Variants in AP1M1 observed in about 807,000 individuals in gnomAD.
The protein encoded by AP1M1 is AP-1 complex subunit mu-1.
In AP1M1, 18 loss-of-function variants were observed where a neutral mutation model predicts 57.1. The observed-to-expected ratio is 0.32, with a 90% CI of 0.22 to 0.47. The LOEUF is 0.47. Among genes scored for constraint, AP1M1 ranks in the 20% least tolerant of loss-of-function variants. AP1M1 has a pLI of 1.00. For missense variants in AP1M1, 362 were observed against 593.5 expected (o/e 0.61, Z 4.05); for synonymous variants, 241 against 237.9 (o/e 1.01, Z -0.12).
chr19:16,202,769 T>C (rs1005873939), intron 1 of AP1M1, among the ~76,000 whole-genome samples: 1 of 152,260 alleles, frequency 6.6e-6, no homozygotes, highest in Non-Finnish European at 1.5e-5. Flanking sequence ...TGGGTCTGTT[T>C]CAATTAAAGC....
intron 4 of AP1M1, 92 bp downstream of exon 4, chr19:16,208,241 G>T: frequency 7.2e-7 from 1 of 1,396,326 alleles, no homozygotes. Context: ...GCAAATTTGT[G>T]TTCATGTTGT....
rs2091630232 is a variant in AP1M1, at chr19:16,237,639, A to G, written c.*3204A>G. 1 of 150,090 alleles carries G rather than the reference A, an allele frequency of 6.7e-6. No individual in the cohort carries two copies. The highest frequency in any genetic ancestry group is 1.5e-5 in the Non-Finnish European group (1 of 67,694). The allele number at this position is 150,090 out of a possible 1,614,324, so 9.3% of individuals were successfully genotyped here. The stretch of plus-strand genomic sequence containing the variant: ...TCCCAGCTACTTGGGAGGCTGAGGC[A>G]TCAGAATCATTTGAACCCCAGGAGG... On this transcript the variant is annotated 3_prime_UTR_variant, in exon 12 of 12. Transcript: ENST00000291439.
chr19:16,234,876 G>T lies in AP1M1; in HGVS notation c.*441G>T. The T allele has an allele frequency of 4.2e-6, 1 of 237,906 alleles. No individual in the cohort carries two copies. Among genetic ancestry groups the T allele is most frequent in the Non-Finnish European group, 8.3e-6 (1 of 119,914 alleles). The allele number at this position is 237,906 out of a possible 1,614,324, so 14.7% of individuals were successfully genotyped here. A position where few individuals can be genotyped will look rare whatever the true frequency, so the allele number is the denominator to read the frequency against. ...TTTGTTGAACGTTATGGGTTTATGG[G>T]TGTTCCTGGAACTTGTCTTTGTGCA... On this transcript the variant is annotated 3_prime_UTR_variant, in exon 12 of 12. Transcript: ENST00000291439.
At position 16,237,970 on chromosome 19, in the gene AP1M1, C is replaced by G. The variant is rs1367078035; in HGVS notation, c.*3535C>G. 3 of 151,990 alleles carry G rather than the reference C, an allele frequency of 2.0e-5. No individual in the cohort carries two copies. The highest frequency in any genetic ancestry group is 1.3e-4 in the Admixed American group (2 of 15,242). The allele number at this position is 151,990 out of a possible 1,614,324, so 9.4% of individuals were successfully genotyped here. ...AATCCTGCCTCAGCCTCTTGAGGAG[C>G]TGGGACTACAAGCACATGCCACCAT... On this transcript the variant is annotated 3_prime_UTR_variant, in exon 12 of 12. Transcript: ENST00000291439.
At position 16,226,456 on chromosome 19, in the gene AP1M1, C is replaced by T. The variant is rs139150489; in HGVS notation, c.582C>T (p.Ile194=). 8.9e-6 allele frequency: 14 copies of T among 1,570,940 alleles called. No homozygotes were observed. The highest frequency in any genetic ancestry group is 5.4e-5 in the African/African-American group (4 of 74,488). ...ACGGCAATGTCCTGCGCAGCGAGAT[C>T]GTGGGCTCCATCAAGATGCGAGTCT... ...SANGNVLRSE[I]VGSIKMRVFL... Residue 194 remains isoleucine (I), a synonymous_variant, in exon 6 of 12, where the codon ATC becomes ATT. Coordinates refer to ENST00000291439, the MANE Select transcript of AP1M1 (RefSeq NM_032493.4).
chr19:16,202,487 G>A (rs1401760155), intron 1 of AP1M1, among the ~76,000 whole-genome samples: 1 of 152,144 alleles, frequency 6.6e-6, no homozygotes. Context: ...CATCGCCCCC[G>A]AAAGCTTCTT....
In AP1M1 at chr19:16,207,960, C is replaced by A; in HGVS notation, c.268-59C>A. The A allele has an allele frequency of 6.4e-7, 1 of 1,566,430 alleles. No individual in the cohort carries two copies. Among genetic ancestry groups the A allele is most frequent in the Non-Finnish European group, 8.7e-7 (1 of 1,155,774 alleles). On this transcript the variant is annotated intron_variant, in intron 3 of 11. Transcript: ENST00000291439. This position sits in a 1 kb window ranked among gnomAD's most constrained non-coding sequence, Gnocchi z 4.2. ...AATGTGTGCAAGCGTTCATTCATTC[C>A]TCATCCGTCCGCTCAATGATCTGCC... is the stretch of plus-strand genomic sequence containing the variant.
chr19:16,213,353 T>G (rs1422605140), intron 5 of AP1M1, among the ~76,000 whole-genome samples: 2 of 151,636 alleles, frequency 1.3e-5, no homozygotes, highest in African/African-American at 4.9e-5. Flanking sequence ...CTTCTTTGTC[T>G]TTTTTTGATC....
chr19:16,202,756 G>C (rs2091454003), intron 1 of AP1M1, among the ~76,000 whole-genome samples: 1 of 152,236 alleles, frequency 6.6e-6, no homozygotes, highest in African/African-American at 2.4e-5. Context: ...ATTGTTTCTA[G>C]TCTGGGTCTG....
At chr19:16,231,496 T>C (rs1273574527) in intron 9 of AP1M1, among the ~76,000 whole-genome samples, 1 of 151,892 alleles carries the variant, frequency 6.6e-6, no homozygotes, top group Non-Finnish European at 1.5e-5. Flanking sequence ...AGAGGCATGA[T>C]CTCGGCTTGC....
Position 16,203,609 on chromosome 19 carries a change from C to T in AP1M1, c.193C>T (p.Leu65=), listed in dbSNP as rs765514475. ...VRFMWIKHNN[L]YLVATSKKNA... is the part of the protein sequence containing the mutation. ...TTTCATGTGGATCAAACACAACAAC[C>T]TGTATCGTATCCCTTTGCTGGGGGT... The change falls in exon 2 of 12, where the codon CTG becomes TTG. Residue 65 remains leucine (L), a synonymous_variant. Transcript: ENST00000291439. The surrounding 1 kb of genome is among the most constrained non-coding windows in gnomAD (Gnocchi z 4.6). 4 of 1,608,998 alleles carry T rather than the reference C, an allele frequency of 2.5e-6. No homozygotes were observed. Among genetic ancestry groups the T allele is most frequent in the Admixed American group, 1.7e-5 (1 of 59,556 alleles).
chr19:16,206,331 C>T lies in AP1M1; in HGVS notation c.200-10C>T, dbSNP rs759974900. On this transcript the variant is annotated splice_polypyrimidine_tract_variant and intron_variant, in intron 2 of 11. Coordinates refer to ENST00000291439, the MANE Select transcript of AP1M1 (RefSeq NM_032493.4). The surrounding 1 kb of genome is among the most constrained non-coding windows in gnomAD (Gnocchi z 4.3). ...CCTCTGAATGCTCCTTAACTGTGGC[C>T]GCCATGCAGTGGTTGCCACATCCAA... 2.5e-5 allele frequency: 41 copies of T among 1,613,864 alleles called. No homozygotes were observed. Among genetic ancestry groups the T allele is most frequent in the African/African-American group, 4.0e-5 (3 of 74,934 alleles).
chr19:16,208,038 A>G lies in AP1M1; in HGVS notation c.287A>G (p.Lys96Arg), dbSNP rs149396373. The change falls in exon 4 of 12, where the codon AAG becomes AGG. Residue 96 changes from lysine to arginine, a missense_variant. Physicochemically the swap from Lys to Arg is conservative, Grantham distance 26 (BLOSUM62 2). Transcript: ENST00000291439. ...CCACAGGTGTTTTCCGAGTACTTCA[A>G]GGAGCTGGAGGAGGAGAGCATCCGG... ...KVVQVFSEYFKELEEESIRDN... is the reference protein window; with the variant it reads ...KVVQVFSEYFRELEEESIRDN... 16 of 1,613,434 alleles carry G rather than the reference A, an allele frequency of 9.9e-6. 1 individual carries two copies. The African/African-American group carries it at 1.6e-4, about 16-fold the overall frequency.
rs1337117582 is a variant in AP1M1 at position 16,207,990 on chromosome 19, A to G, written c.268-29A>G. On this transcript the variant is annotated intron_variant, in intron 3 of 11. Coordinates refer to ENST00000291439, the MANE Select transcript of AP1M1 (RefSeq NM_032493.4). The surrounding 1 kb of genome is among the most constrained non-coding windows in gnomAD (Gnocchi z 4.2). ...CCGTCCGCTCAATGATCTGCCTCCC[A>G]TTCCTCCCTCCCTCCCCAACCGCCA... 1 of 1,598,166 alleles carries G rather than the reference A, an allele frequency of 6.3e-7. No individual in the cohort carries two copies. The highest frequency in any genetic ancestry group is 1.3e-5 in the African/African-American group (1 of 74,302).
rs1043291857 is a variant in AP1M1, at chr19:16,243,935, T to A, written c.*9500T>A. 1.3e-5 allele frequency: 2 copies of A among 152,030 alleles called. No individual in the cohort carries two copies. Among genetic ancestry groups the A allele is most frequent in the African/African-American group, 2.4e-5 (1 of 41,392 alleles). The allele number at this position is 152,030 out of a possible 1,614,324, so 9.4% of individuals were successfully genotyped here. On this transcript the variant is annotated 3_prime_UTR_variant, in exon 12 of 12. Transcript: ENST00000291439. The stretch of plus-strand genomic sequence containing the variant: ...TCCAGCCTGGGCAACGAAACGAGAG[T>A]CTGTCTCCAAATAAATAATTAGAGA...
At chr19:16,215,224 G>C (rs2091514180) in intron 5 of AP1M1, among the ~76,000 whole-genome samples, 1 of 63,156 alleles carries the variant, frequency 1.6e-5, no homozygotes, top group Non-Finnish European at 4.4e-5. Context: ...AGGGGGGAGG[G>C]GGGAGGGGAG....
intron 9 of AP1M1, among the ~76,000 whole-genome samples, chr19:16,232,481 T>C (rs1419458290): frequency 2.0e-5 from 3 of 152,220 alleles, no homozygotes; most frequent in African/African-American, 7.2e-5. Context: ...GGCTGAGTGT[T>C]TGGGGCACAG....
Position 16,227,652 on chromosome 19 carries a change from G to A in AP1M1, c.778G>A (p.Gly260Ser), listed in dbSNP as rs754683740. 8 of 1,613,820 alleles carry A rather than the reference G, an allele frequency of 5.0e-6. No individual in the cohort carries two copies. In the South Asian group the frequency reaches 5.5e-5, roughly 11 times the overall value. The change falls in exon 7 of 12, where the codon GGC (glycine) becomes AGC (serine). Residue 260 changes from glycine to serine, a missense_variant. Physicochemically the swap from Gly to Ser is moderately conservative, Grantham distance 56. Transcript: ENST00000291439. This position sits in a 1 kb window ranked among gnomAD's most constrained non-coding sequence, Gnocchi z 6.2. ...CACCATCTCCTTCATCCCACCCGAC[G>A]GCGAGTTCGAGCTCATGTCCTACCG... ...DRTISFIPPD[G>S]EFELMSYRLN...
intron 5 of AP1M1, among the ~76,000 whole-genome samples, chr19:16,221,387 G>A (rs775859580): frequency 2.6e-5 from 4 of 152,350 alleles, no homozygotes; most frequent in Admixed American, 1.3e-4. Context: ...GAGCACACCC[G>A]AACAAAGGAG....
Sources: gnomAD v4.1 joint callset for allele counts (sites outside exome capture counted in the v4.1 genomes callset) on GRCh38, gnomAD v4.1.1 for gene constraint, Gnocchi (gnomAD v3.1) non-coding constraint, MANE v1.5 for transcripts, NCBI Gene and HGNC (gene_info 2026-07-23, HGNC 2026-07-21) for gene names.